Variants in BBS9 observed in about 807,000 individuals in gnomAD.
BBS9 encodes protein PTHB1.
BBS9 carries 89 observed loss-of-function variants against 117.7 expected under a neutral mutation model. That is an observed-to-expected ratio of 0.76 (90% CI 0.64 to 0.90). BBS9 has a LOEUF of 0.90. BBS9 is among the 40% of genes least tolerant of loss of function. The pLI is 0.00. For missense variants in BBS9, 982 were observed against 1,042.2 expected (o/e 0.94, Z 0.80); for synonymous variants, 379 against 370.9 (o/e 1.02, Z -0.25).
chr7:33,585,108 T>TTA (rs1339938584), intron 21 of BBS9, among the ~76,000 whole-genome samples: 1 of 152,128 alleles, frequency 6.6e-6, no homozygotes, highest in Non-Finnish European at 1.5e-5. Flanking sequence ...TCCTTTGTAA[T>TTA]TATATGCTGG....
chr7:33,432,089 C>CTT (rs775827412), intron 19 of BBS9, among the ~76,000 whole-genome samples: 3 of 142,672 alleles, frequency 2.1e-5, no homozygotes, highest in Admixed American at 7.0e-5. Context: ...TTCTTTCTTT[C>CTT]TTTTTTTTTT....
intron 19 of BBS9, among the ~76,000 whole-genome samples, chr7:33,393,208 A>C (rs1827356507): frequency 6.6e-6 from 1 of 152,196 alleles, no homozygotes; most frequent in African/African-American, 2.4e-5. Flanking sequence ...AAATAAATAA[A>C]AAATAATGCA....
chr7:33,560,500 G>A (rs1855931234), intron 21 of BBS9, among the ~76,000 whole-genome samples: 1 of 152,148 alleles, frequency 6.6e-6, no homozygotes, highest in African/African-American at 2.4e-5. Context: ...CCACACCTGG[G>A]TATAAGCTTT....
intron 5 of BBS9, among the ~76,000 whole-genome samples, chr7:33,238,803 C>A (rs531643784): frequency 3.3e-5 from 5 of 152,024 alleles, no homozygotes; most frequent in African/African-American, 4.8e-5. Context: ...CCTTTTCTCA[C>A]TTAAAAATAT....
intron 9 of BBS9, among the ~76,000 whole-genome samples, chr7:33,283,723 AT>A (rs1332999140): frequency 6.6e-6 from 1 of 151,602 alleles, no homozygotes; most frequent in Non-Finnish European, 1.5e-5. Flanking sequence ...TTTTTTTGCA[AT>A]TTCCACACAT....
At chr7:33,550,046 C>G (rs943394780) in intron 21 of BBS9, among the ~76,000 whole-genome samples, 3 of 105,188 alleles carry the variant, frequency 2.9e-5, no homozygotes, top group Admixed American at 1.0e-4. Flanking sequence ...TCTACTGATT[C>G]ATATAACAAT....
At chr7:33,623,214 A>C (rs963242914) in intron 21 of BBS9, among the ~76,000 whole-genome samples, 1 of 152,232 alleles carries the variant, frequency 6.6e-6, no homozygotes, top group African/African-American at 2.4e-5. Flanking sequence ...AGAAAGCAAC[A>C]TCTTAATATG....
intron 21 of BBS9, among the ~76,000 whole-genome samples, chr7:33,559,964 C>T (rs948278985): frequency 1.3e-5 from 2 of 152,114 alleles, no homozygotes; most frequent in African/African-American, 4.8e-5. Flanking sequence ...TGGCTGACTC[C>T]TGTAGTCCTT....
chr7:33,194,569 C>T (rs1784648611), intron 5 of BBS9, among the ~76,000 whole-genome samples: 1 of 151,834 alleles, frequency 6.6e-6, no homozygotes, highest in Admixed American at 6.6e-5. Context: ...GAATGTTCAT[C>T]ATAAAAATTC....
chr7:33,182,481 A>G (rs1798233177), intron 5 of BBS9, among the ~76,000 whole-genome samples: 1 of 152,210 alleles, frequency 6.6e-6, no homozygotes, highest in Non-Finnish European at 1.5e-5. Flanking sequence ...TTCAAGAGTC[A>G]AAGAAGCAGT....
intron 9 of BBS9, among the ~76,000 whole-genome samples, chr7:33,284,141 ACT>A (rs1283202579): frequency 6.6e-6 from 1 of 151,736 alleles, no homozygotes; most frequent in Non-Finnish European, 1.5e-5. Context: ...CTAGGACCTG[ACT>A]CTCTCTTCCG....
chr7:33,162,682 A>G (rs980244040), intron 4 of BBS9, among the ~76,000 whole-genome samples: 97 of 152,222 alleles, frequency 6.4e-4, no homozygotes, highest in African/African-American at 2.2e-3. Flanking sequence ...TTGATTTTGT[A>G]TACTGAGACT....
chr7:33,303,660 C>T (rs1272926451), intron 9 of BBS9, among the ~76,000 whole-genome samples: 2 of 151,806 alleles, frequency 1.3e-5, no homozygotes, highest in African/African-American at 2.4e-5. Flanking sequence ...AGGCATGTGC[C>T]GCCACGCCTG....
At chr7:33,630,806 TC>T (rs1865857625) in intron 21 of BBS9, among the ~76,000 whole-genome samples, 1 of 33,900 alleles carries the variant, frequency 2.9e-5, no homozygotes, top group Admixed American at 3.1e-4. Flanking sequence ...CCTTCTGCAC[TC>T]ACTCATTTAT....
At chr7:33,132,612 A>G (rs969061197) in intron 1 of BBS9, among the ~76,000 whole-genome samples, 1 of 152,180 alleles carries the variant, frequency 6.6e-6, no homozygotes, top group African/African-American at 2.4e-5. Context: ...ATTTTTTGTT[A>G]TTTAAAACAC....
At chr7:33,406,564 G>A (rs1330750260) in intron 19 of BBS9, among the ~76,000 whole-genome samples, 43 of 152,060 alleles carry the variant, frequency 2.8e-4, no homozygotes, top group Non-Finnish European at 6.0e-4. Context: ...ATTTTGCAGC[G>A]GCTAGTACCG....
chr7:33,391,376 T>C (rs1179549754), intron 19 of BBS9, among the ~76,000 whole-genome samples: 2 of 152,168 alleles, frequency 1.3e-5, no homozygotes, highest in Admixed American at 1.3e-4. Flanking sequence ...ATGGGATCTT[T>C]TAATTTTTCA....
chr7:33,496,120 A>C (rs1185965927), intron 19 of BBS9, among the ~76,000 whole-genome samples: 1 of 152,160 alleles, frequency 6.6e-6, no homozygotes, highest in Non-Finnish European at 1.5e-5. Context: ...TCTTTTTATG[A>C]AGACAAATCA....
intron 17 of BBS9, among the ~76,000 whole-genome samples, chr7:33,368,250 AT>A (rs1263828457): frequency 1.3e-5 from 2 of 152,122 alleles, no homozygotes; most frequent in Admixed American, 6.6e-5. Flanking sequence ...AGAACTTGGA[AT>A]TTTTTTGTTT....
Sources: gnomAD v4.1 joint callset for allele counts (sites outside exome capture counted in the v4.1 genomes callset) on GRCh38, gnomAD v4.1.1 for gene constraint, MANE v1.5 for transcripts, NCBI Gene and HGNC (gene_info 2026-07-23, HGNC 2026-07-21) for gene names.